CACNA2D3: variants seen among roughly 807,000 people sequenced by gnomAD.
CACNA2D3 encodes the protein calcium voltage-gated channel auxiliary subunit alpha2delta 3, also known as voltage-dependent calcium channel subunit alpha-2/delta-3.
Under a neutral mutation model 160.6 loss-of-function variants are expected in CACNA2D3, and 60 were observed. That is an observed-to-expected ratio of 0.37 (90% CI 0.30 to 0.46). The LOEUF is 0.46. Among genes scored for constraint, CACNA2D3 ranks in the 20% least tolerant of loss-of-function variants. The probability of loss-of-function intolerance (pLI) is 1.00; values close to 1 mark genes in which losing one functional copy is unlikely to be tolerated. For synonymous variants in CACNA2D3, 558 were observed against 492.9 expected (o/e 1.13, Z -1.75); for missense variants, 1,205 against 1,365.0 (o/e 0.88, Z 1.85).
chr3:54,854,028 C>T lies in CACNA2D3; in HGVS notation c.1626+7561C>T, dbSNP rs576053406. The stretch of plus-strand genomic sequence containing the variant: ...TGGCGCGCGGGCACCGCCGAGTACC[C>T]GGTCCCCATGCAGAGCCAGCCCCTG... On this transcript the variant is annotated intron_variant, in intron 17 of 37. Coordinates refer to ENST00000474759, the MANE Select transcript of CACNA2D3 (RefSeq NM_018398.3). Among the ~76,000 whole-genome samples, 7 of 152,254 alleles carry T rather than the reference C, an allele frequency of 4.6e-5. No individual in the cohort carries two copies. In the East Asian group the frequency reaches 5.8e-4, roughly 13 times the overall value.
intron 2 of CACNA2D3, among the ~76,000 whole-genome samples, chr3:54,267,592 C>G (rs774917693): frequency 3.9e-5 from 6 of 152,174 alleles, no homozygotes; most frequent in Non-Finnish European, 5.9e-5. Flanking sequence ...TTCAGAACCT[C>G]AGAGTTGGAT....
At chr3:54,124,788 T>G (rs1321954109) in intron 2 of CACNA2D3, among the ~76,000 whole-genome samples, 1 of 152,254 alleles carries the variant, frequency 6.6e-6, no homozygotes, top group Admixed American at 6.5e-5. Context: ...ATTGAAAGAT[T>G]GCTTGCTCAA....
chr3:54,200,129 G>A (rs1319524198), intron 2 of CACNA2D3, among the ~76,000 whole-genome samples: 1 of 152,190 alleles, frequency 6.6e-6, no homozygotes, highest in Non-Finnish European at 1.5e-5. Flanking sequence ...CCATGACCTT[G>A]GCACATCAGT....
intron 30 of CACNA2D3, among the ~76,000 whole-genome samples, chr3:54,986,978 C>T (rs2107107144): frequency 6.6e-6 from 1 of 152,278 alleles, no homozygotes; most frequent in Non-Finnish European, 1.5e-5. Flanking sequence ...TCTTGGCCAG[C>T]ACCAAGAAGT....
intron 35 of CACNA2D3, among the ~76,000 whole-genome samples, chr3:55,044,615 T>C (rs576344191): frequency 7.9e-5 from 12 of 152,212 alleles, no homozygotes; most frequent in African/African-American, 2.9e-4. Context: ...TTTTTCTCTC[T>C]CTCTTATTGC....
chr3:54,323,656 C>T (rs944120759), intron 3 of CACNA2D3, among the ~76,000 whole-genome samples: 11 of 151,938 alleles, frequency 7.2e-5, no homozygotes, highest in East Asian at 1.9e-4. Flanking sequence ...TTAGTAGAGA[C>T]GGGGTTTCAC....
At chr3:54,513,805 C>A (rs992020953) in intron 5 of CACNA2D3, among the ~76,000 whole-genome samples, 2 of 152,168 alleles carry the variant, frequency 1.3e-5, no homozygotes, top group African/African-American at 2.4e-5. Flanking sequence ...CTCAGCCCCC[C>A]AAGTAGCTGG....
At chr3:54,589,684 A>G (rs1008751938) in intron 9 of CACNA2D3, among the ~76,000 whole-genome samples, 6 of 152,220 alleles carry the variant, frequency 3.9e-5, no homozygotes, top group African/African-American at 7.2e-5. Context: ...TAGAGAATAT[A>G]TAAGTAATTC....
intron 2 of CACNA2D3, among the ~76,000 whole-genome samples, chr3:54,318,485 A>G (rs1703917879): frequency 1.3e-5 from 2 of 152,274 alleles, no homozygotes; most frequent in African/African-American, 4.8e-5. Flanking sequence ...ATCTTGGTCT[A>G]GACTCACATG....
chr3:54,987,917 T>C lies in CACNA2D3; in HGVS notation c.2690+164T>C, dbSNP rs1702653004. Among the ~76,000 whole-genome samples the C allele has an allele frequency of 4.0e-5, 6 of 151,798 alleles. 1 individual carries two copies. In the South Asian group the frequency reaches 1.3e-3, roughly 32 times the overall value. On this transcript the variant is annotated intron_variant, in intron 31 of 37. Coordinates refer to ENST00000474759, the MANE Select transcript of CACNA2D3 (RefSeq NM_018398.3). ...TGAAATTCGATGCCTCTTGCACGAG[T>C]GTTAGAGTGTTAGAGTCTTAGAAAC...
At chr3:54,859,513 T>A (rs1699238900) in intron 17 of CACNA2D3, among the ~76,000 whole-genome samples, 1 of 152,198 alleles carries the variant, frequency 6.6e-6, no homozygotes. Flanking sequence ...TTGCTGAAAC[T>A]TCTTCTCAGC....
rs189586017 is a variant in CACNA2D3, at chr3:54,175,252, A to G, written c.204+51658A>G. Among the ~76,000 whole-genome samples, 18 of 152,258 alleles carry G rather than the reference A, an allele frequency of 1.2e-4. 1 individual carries two copies. Among genetic ancestry groups the G allele is most frequent in the African/African-American group, 3.9e-4 (16 of 41,544 alleles). On this transcript the variant is annotated intron_variant, in intron 2 of 37. Transcript: ENST00000474759. ...AAGTGTTCATAGTTAGCATTAGCAAATGGACTTGTAGGGGCCATGGGGGAT... is the reference window on the plus strand; with the variant it reads ...AAGTGTTCATAGTTAGCATTAGCAAGTGGACTTGTAGGGGCCATGGGGGAT...
intron 5 of CACNA2D3, among the ~76,000 whole-genome samples, chr3:54,521,697 G>T (rs1701648637): frequency 1.3e-5 from 2 of 152,212 alleles, no homozygotes; most frequent in South Asian, 4.1e-4. Context: ...ATTTAGGCTT[G>T]TGCTCTATTT....
rs1700539049 is a variant in CACNA2D3 at position 54,170,272 on chromosome 3, C to G, written c.204+46678C>G. ...GCAACAGGTACCCAGGCGGTTCTGC[C>G]AAGAGACCCAGAGAAGACCAGGATA... On this transcript the variant is annotated intron_variant, in intron 2 of 37. Transcript: ENST00000474759. Among the ~76,000 whole-genome samples the G allele has an allele frequency of 2.0e-5, 3 of 151,834 alleles. No homozygotes were observed. The South Asian group carries it at 6.3e-4, about 32-fold the overall frequency.
chr3:54,978,998 GA>G (rs1360360924), intron 29 of CACNA2D3, among the ~76,000 whole-genome samples: 36 of 152,316 alleles, frequency 2.4e-4, no homozygotes, highest in African/African-American at 8.2e-4. Context: ...AGTGCAGCAA[GA>G]ATAATTATTT....
chr3:54,468,808 G>T (rs958072702), intron 4 of CACNA2D3, among the ~76,000 whole-genome samples: 1 of 152,216 alleles, frequency 6.6e-6, no homozygotes, highest in Non-Finnish European at 1.5e-5. Flanking sequence ...AAACAAAGCT[G>T]CTGGGAAGTT....
chr3:54,196,300 C>T (rs1455601801), intron 2 of CACNA2D3, among the ~76,000 whole-genome samples: 1 of 152,100 alleles, frequency 6.6e-6, no homozygotes, highest in African/African-American at 2.4e-5. Context: ...AAGAAGATGT[C>T]ACAAAGTGAT....
At chr3:54,513,840 C>T (rs1293625262) in intron 5 of CACNA2D3, among the ~76,000 whole-genome samples, 1 of 152,096 alleles carries the variant, frequency 6.6e-6, no homozygotes, top group Non-Finnish European at 1.5e-5. Context: ...ATCACCATGC[C>T]CAGATAATTT....
At chr3:54,389,024 G>A (rs1699235732) in intron 4 of CACNA2D3, among the ~76,000 whole-genome samples, 1 of 152,102 alleles carries the variant, frequency 6.6e-6, no homozygotes, top group South Asian at 2.1e-4. Context: ...AGACAAATGG[G>A]CCAGGCTGGG....
Sources: allele counts gnomAD v4.1 joint callset (sites outside exome capture counted in the v4.1 genomes callset), GRCh38; gene constraint gnomAD v4.1.1; transcripts MANE v1.5; gene names NCBI Gene and HGNC (gene_info 2026-07-23, HGNC 2026-07-21).